EBF1: variants seen among roughly 807,000 people sequenced by gnomAD.
EBF1 encodes the protein transcription factor COE1.
Under a neutral mutation model 68.4 loss-of-function variants are expected in EBF1, and 10 were observed. The ratio of observed to expected loss-of-function variants is 0.15; its 90% CI spans 0.09 to 0.25. The LOEUF is 0.25. Ranked by LOEUF, EBF1 falls within the 10% of genes least tolerant of loss-of-function variation. EBF1 has a pLI of 1.00. For missense variants in EBF1, 509 were observed against 794.4 expected (o/e 0.64, Z 4.32); for synonymous variants, 298 against 299.8 (o/e 0.99, Z 0.06).
Position 159,099,694 on chromosome 5 carries a change from GA to G in EBF1, c.-217del, listed in dbSNP as rs1191011252. 3 of 381,300 alleles carry G rather than the reference GA, an allele frequency of 7.9e-6. No homozygotes were observed. Among genetic ancestry groups the G allele is most frequent in the Non-Finnish European group, 1.3e-5 (3 of 236,166 alleles). 23.6% of individuals were successfully genotyped at this position (381,300 alleles called of 1,614,324 possible). A position where few individuals can be genotyped will look rare whatever the true frequency, so the allele number is the denominator to read the frequency against. ...TCTGCTCAAAACTGAGCGATAACCC[GA>G]AAAAAAGAAGAAAGGGAAAATCCAA... On this transcript the variant is annotated 5_prime_UTR_variant, in exon 1 of 16. Coordinates refer to ENST00000313708, the MANE Select transcript of EBF1 (RefSeq NM_024007.5).
chr5:158,912,086 T>G (rs771875381), intron 6 of EBF1, among the ~76,000 whole-genome samples: 1 of 152,198 alleles, frequency 6.6e-6, no homozygotes, highest in Non-Finnish European at 1.5e-5. Flanking sequence ...CAGAATGACC[T>G]AGATATTTGG....
intron 10 of EBF1, among the ~76,000 whole-genome samples, chr5:158,759,046 G>A (rs1770796091): frequency 6.6e-6 from 1 of 152,142 alleles, no homozygotes; most frequent in African/African-American, 2.4e-5. Flanking sequence ...AATAAATCTT[G>A]AAAATTAAAA....
chr5:158,805,615 A>C (rs1398474595), intron 8 of EBF1, among the ~76,000 whole-genome samples: 1 of 152,098 alleles, frequency 6.6e-6, no homozygotes, highest in African/African-American at 2.4e-5. Flanking sequence ...TTTGCTAAGA[A>C]GAAATTTTAA....
chr5:159,073,945 A>G (rs1412092295), intron 5 of EBF1, among the ~76,000 whole-genome samples: 1 of 152,032 alleles, frequency 6.6e-6, no homozygotes, highest in Non-Finnish European at 1.5e-5. Flanking sequence ...TTTCTCCTTT[A>G]TGGGTAGCAT....
At chr5:158,865,719 T>C (rs1421345489) in intron 6 of EBF1, among the ~76,000 whole-genome samples, 1 of 152,196 alleles carries the variant, frequency 6.6e-6, no homozygotes, top group Non-Finnish European at 1.5e-5. Context: ...CTTTTGCATA[T>C]AATACAATCA....
At chr5:158,725,759 G>T (rs1372385515) in intron 11 of EBF1, among the ~76,000 whole-genome samples, 1 of 152,210 alleles carries the variant, frequency 6.6e-6, no homozygotes, top group Non-Finnish European at 1.5e-5. Context: ...AAACCCGGGT[G>T]AGAGATTCCG....
intron 15 of EBF1, among the ~76,000 whole-genome samples, chr5:158,700,162 C>T (rs980815469): frequency 6.6e-6 from 1 of 152,234 alleles, no homozygotes; most frequent in Non-Finnish European, 1.5e-5. Flanking sequence ...AGCTGTGTGA[C>T]CTTGTGTTAA....
At chr5:158,996,840 T>C (rs911636937) in intron 6 of EBF1, among the ~76,000 whole-genome samples, 1 of 152,176 alleles carries the variant, frequency 6.6e-6, no homozygotes, top group African/African-American at 2.4e-5. Context: ...TTAAATGAAA[T>C]ATGTTATACC....
chr5:158,795,787 C>T (rs1247573030), intron 9 of EBF1, among the ~76,000 whole-genome samples: 1 of 152,164 alleles, frequency 6.6e-6, no homozygotes, highest in Non-Finnish European at 1.5e-5. Context: ...GTTGCAGTCA[C>T]ACACTGAGAT....
At chr5:159,081,469 C>T (rs1216741890) in intron 5 of EBF1, among the ~76,000 whole-genome samples, 1 of 152,218 alleles carries the variant, frequency 6.6e-6, no homozygotes, top group East Asian at 1.9e-4. Context: ...GTGGGTCACG[C>T]AACACATCCT....
chr5:158,775,620 G>A (rs1009505552), intron 10 of EBF1, among the ~76,000 whole-genome samples: 1 of 151,984 alleles, frequency 6.6e-6, no homozygotes, highest in Admixed American at 6.6e-5. Context: ...ATATGTTCCA[G>A]AACACCGAGT....
chr5:158,884,992 T>C (rs1799736765), intron 6 of EBF1, among the ~76,000 whole-genome samples: 1 of 152,192 alleles, frequency 6.6e-6, no homozygotes, highest in Non-Finnish European at 1.5e-5. Context: ...GTCTCACAAA[T>C]GGAGAGAAGG....
intron 6 of EBF1, among the ~76,000 whole-genome samples, chr5:158,977,535 C>T (rs575734468): frequency 2.0e-5 from 3 of 152,196 alleles, no homozygotes; most frequent in South Asian, 2.1e-4. Flanking sequence ...TAAAAATATA[C>T]GTTCTCCCAA....
At chr5:158,722,084 T>C (rs935388194) in intron 11 of EBF1, among the ~76,000 whole-genome samples, 10 of 152,134 alleles carry the variant, frequency 6.6e-5, no homozygotes, top group Admixed American at 5.9e-4. Context: ...GGGATCTTCT[T>C]ATTCCAATTC....
At chr5:159,025,698 G>T (rs1312525009) in intron 6 of EBF1, among the ~76,000 whole-genome samples, 1 of 152,158 alleles carries the variant, frequency 6.6e-6, no homozygotes, top group Non-Finnish European at 1.5e-5. Context: ...CCTGAACCCT[G>T]TAAGATTTTT....
In EBF1 at chr5:158,796,338, C is replaced by A. The variant is rs1371891026; in HGVS notation, c.909+7G>T. The A allele has an allele frequency of 1.9e-6, 3 of 1,608,938 alleles. No individual in the cohort carries two copies. In the South Asian group the frequency reaches 3.3e-5, roughly 18 times the overall value. On this transcript the variant is annotated splice_region_variant and intron_variant, in intron 9 of 15. Coordinates refer to ENST00000313708, the MANE Select transcript of EBF1 (RefSeq NM_024007.5). The stretch of plus-strand genomic sequence containing the variant: ...CTATTAGATATTAATGTTCAGACAA[C>A]ACCTACCTCACTCCAGACCAGCATG...
intron 6 of EBF1, among the ~76,000 whole-genome samples, chr5:159,002,000 C>T (rs1188719330): frequency 6.6e-6 from 1 of 152,090 alleles, no homozygotes; most frequent in Non-Finnish European, 1.5e-5. Flanking sequence ...CTCAGAGTAG[C>T]ATAAAACCAA....
chr5:158,826,387 C>T (rs1786121168), intron 7 of EBF1, among the ~76,000 whole-genome samples: 1 of 152,210 alleles, frequency 6.6e-6, no homozygotes, highest in African/African-American at 2.4e-5. Flanking sequence ...AATAGCCACA[C>T]TGAGCGTTTC....
chr5:159,018,586 T>C (rs957999127), intron 6 of EBF1, among the ~76,000 whole-genome samples: 1 of 152,248 alleles, frequency 6.6e-6, no homozygotes, highest in African/African-American at 2.4e-5. Flanking sequence ...AGAAGGATAA[T>C]TGCATGCACA....
Sources: allele counts gnomAD v4.1 joint callset (sites outside exome capture counted in the v4.1 genomes callset), GRCh38; gene constraint gnomAD v4.1.1; transcripts MANE v1.5; gene names NCBI Gene and HGNC (gene_info 2026-07-23, HGNC 2026-07-21).